The following COL24A1 variants were observed in gnomAD, a reference collection of about 807,000 sequenced individuals.
The protein encoded by COL24A1 is collagen alpha-1(XXIV) chain.
Under a neutral mutation model 253.9 loss-of-function variants are expected in COL24A1, and 224 were observed. The ratio of observed to expected loss-of-function variants is 0.88; its 90% confidence interval spans 0.79 to 0.99. The LOEUF (loss-of-function observed/expected upper bound fraction) is 0.99. Ranked by LOEUF, COL24A1 falls within the 50% of genes least tolerant of loss-of-function variation. The pLI, the probability that COL24A1 is intolerant of heterozygous loss-of-function variation, is 0.00. For missense variants in COL24A1, 2,131 were observed against 2,068.5 expected (o/e 1.03, Z -0.59); for synonymous variants, 685 against 673.7 (o/e 1.02, Z -0.26).
At position 85,847,704 on chromosome 1, in the gene COL24A1, T is replaced by G. The variant is rs1677287686; in HGVS notation, c.3423A>C (p.Lys1141Asn). ...TTCCTCTGGCACCCTTAGGACCACT[T>G]TTCCCAATTTTTCCAGGAGGACCTC... ...GSRGPPGKIG[K>N]SGPKGARGTR... The change falls in exon 39 of 60, where the codon AAA becomes AAC. Residue 1141 changes from lysine (K) to asparagine (N), a missense_variant. By Grantham distance (94) the Lys-to-Asn change is moderately conservative (BLOSUM62 0). Coordinates refer to ENST00000370571, the MANE Select transcript of COL24A1 (RefSeq NM_152890.7). 6.2e-7 allele frequency: 1 copy of G among 1,613,720 alleles called. No individual in the cohort carries two copies. The highest frequency in any genetic ancestry group is 1.1e-5 in the South Asian group (1 of 91,028).
intron 5 of COL24A1, among the ~76,000 whole-genome samples, chr1:86,096,235 T>G (rs36035589): frequency 0.38 from 58,202 of 151,878 alleles, 11,293 homozygotes; most frequent in Admixed American, 0.46. Flanking sequence ...ATAACACAAC[T>G]TTTGAGTGAA....
At chr1:85,869,905 A>T (rs1429929716) in intron 35 of COL24A1, among the ~76,000 whole-genome samples, 1 of 152,224 alleles carries the variant, frequency 6.6e-6, no homozygotes, top group Non-Finnish European at 1.5e-5. Context: ...AGACTGGCAA[A>T]CTGGATAAAG....
intron 57 of COL24A1, among the ~76,000 whole-genome samples, chr1:85,741,821 T>TA: frequency 6.6e-6 from 1 of 152,358 alleles, no homozygotes; most frequent in East Asian, 1.9e-4. Context: ...CCTTTTCTCT[T>TA]AAAATCTGAT....
At chr1:86,056,172 C>T (rs1700650419) in intron 10 of COL24A1, among the ~76,000 whole-genome samples, 1 of 151,296 alleles carries the variant, frequency 6.6e-6, no homozygotes, top group Non-Finnish European at 1.5e-5. Context: ...GACCACTAAT[C>T]TCTTCTGGCT....
chr1:85,976,102 G>A (rs1327905739), intron 20 of COL24A1, among the ~76,000 whole-genome samples: 1 of 152,168 alleles, frequency 6.6e-6, no homozygotes, highest in Admixed American at 6.5e-5. Flanking sequence ...TTGACTGAAT[G>A]CAAACTCTCT....
At chr1:85,973,049 G>A (rs1692329815) in intron 20 of COL24A1, among the ~76,000 whole-genome samples, 1 of 152,132 alleles carries the variant, frequency 6.6e-6, no homozygotes, top group African/African-American at 2.4e-5. Flanking sequence ...TTGATACAAT[G>A]ATTTAGAACT....
chr1:85,785,739 T>C (rs560690675), intron 48 of COL24A1, among the ~76,000 whole-genome samples: 84 of 152,300 alleles, frequency 5.5e-4, no homozygotes, highest in African/African-American at 1.9e-3. Context: ...TAAGAGGTAA[T>C]AATGGTAAGG....
rs550271388 is a variant in COL24A1 at position 85,886,957 on chromosome 1, G to A, written c.2976+2603C>T. Among the ~76,000 whole-genome samples, 16 of 151,990 alleles carry A rather than the reference G, an allele frequency of 1.1e-4. No homozygotes were observed. The South Asian group carries it at 2.1e-3, about 20-fold the overall frequency. ...TAGAGTACTCTTATCTTTTGTTTCC[G>A]AGACTGTTGCCACTTTATCTTTACA... On this transcript the variant is annotated intron_variant, in intron 32 of 59. Coordinates refer to ENST00000370571, the MANE Select transcript of COL24A1 (RefSeq NM_152890.7).
In COL24A1 at chr1:86,031,781, A is replaced by C; in HGVS notation, c.2049+97T>G. 3 of 926,398 alleles carry C rather than the reference A, an allele frequency of 3.2e-6. No homozygotes were observed. In the African/African-American group the frequency reaches 5.1e-5, roughly 16 times the overall value. 57.4% of individuals were successfully genotyped at this position (926,398 alleles called of 1,614,324 possible). On this transcript the variant is annotated intron_variant, in intron 14 of 59. Transcript: ENST00000370571. ...GGTTGATAACCAACAATGACAGTAA[A>C]ACCTCTCATTTCCCTAAGTTTCAAA...
intron 35 of COL24A1, among the ~76,000 whole-genome samples, chr1:85,872,425 C>T (rs550762617): frequency 6.6e-6 from 1 of 152,268 alleles, no homozygotes; most frequent in Admixed American, 6.5e-5. Context: ...GGAGGCATCA[C>T]ACTACCTGAC....
intron 47 of COL24A1, among the ~76,000 whole-genome samples, chr1:85,812,782 T>C (rs147484381): frequency 3.9e-4 from 59 of 152,296 alleles, no homozygotes; most frequent in South Asian, 6.2e-4. Context: ...CATTTTTCCA[T>C]ACTAATCATA....
intron 4 of COL24A1, among the ~76,000 whole-genome samples, chr1:86,113,435 G>A (rs999875431): frequency 5.3e-5 from 8 of 152,078 alleles, no homozygotes; most frequent in Admixed American, 5.2e-4. Context: ...ATAATTATTT[G>A]TCTTTTTAAT....
chr1:86,042,964 C>G (rs564395072), intron 12 of COL24A1, among the ~76,000 whole-genome samples: 4 of 152,212 alleles, frequency 2.6e-5, no homozygotes, highest in African/African-American at 9.6e-5. Context: ...TCCAAAGAAA[C>G]TGACCCTGAT....
chr1:86,135,418 T>C (rs1221780469), intron 2 of COL24A1, among the ~76,000 whole-genome samples: 2 of 152,178 alleles, frequency 1.3e-5, no homozygotes, highest in Non-Finnish European at 2.9e-5. Flanking sequence ...ATTTTGCTCA[T>C]TAGTTTACGA....
Position 86,063,724 on chromosome 1 carries a change from T to C in COL24A1, c.1743A>G (p.Pro581=). Residue 581 remains proline, a synonymous_variant, in exon 8 of 60, where the codon CCA becomes CCG. Transcript: ENST00000370571. The stretch of plus-strand genomic sequence containing the variant: ...TAAAGGAAGTACCTACTTGTTCACC[T>C]GGAAGTCCTGGGAGTCCAGGATGTC... The part of the protein sequence containing the change: ...LKGHPGLPGL[P]GEQGIPGFAG... 1 of 1,552,768 alleles carries C rather than the reference T, an allele frequency of 6.4e-7. No homozygotes were observed. The highest frequency in any genetic ancestry group is 8.7e-7 in the Non-Finnish European group (1 of 1,148,838).
intron 43 of COL24A1, among the ~76,000 whole-genome samples, chr1:85,836,569 C>G (rs72952533): frequency 0.01 from 1,527 of 152,222 alleles, 26 homozygotes; most frequent in African/African-American, 0.035. Flanking sequence ...CTGTATAAAT[C>G]AAACTTGTGC....
intron 5 of COL24A1, among the ~76,000 whole-genome samples, chr1:86,093,479 T>C (rs61802174): frequency 0.31 from 47,262 of 151,834 alleles, 8,144 homozygotes; most frequent in Non-Finnish European, 0.38. Flanking sequence ...TTCTATTCCA[T>C]TGGTCTATGT....
intron 37 of COL24A1, among the ~76,000 whole-genome samples, chr1:85,854,864 C>T (rs1678248334): frequency 6.6e-6 from 1 of 152,026 alleles, no homozygotes. Context: ...CCACCACGCT[C>T]AGCTAATTTT....
At chr1:85,989,272 C>T (rs1371701057) in intron 19 of COL24A1, among the ~76,000 whole-genome samples, 1 of 152,034 alleles carries the variant, frequency 6.6e-6, no homozygotes, top group Admixed American at 6.6e-5. Flanking sequence ...TGAGGTAATC[C>T]ACCAGTTTCC....
Sources: allele counts gnomAD v4.1 joint callset (sites outside exome capture counted in the v4.1 genomes callset), GRCh38; gene constraint gnomAD v4.1.1; transcripts MANE v1.5; gene names NCBI Gene and HGNC (gene_info 2026-07-23, HGNC 2026-07-21).